Variants in SORCS3 observed in about 807,000 individuals in gnomAD.
The protein encoded by SORCS3 is sortilin related VPS10 domain containing receptor 3.
A neutral mutation model predicts 146.3 loss-of-function variants in SORCS3; 57 were observed. The observed-to-expected ratio is 0.39, with a 90% CI of 0.31 to 0.49. SORCS3 has a LOEUF of 0.49. Among genes scored for constraint, SORCS3 ranks in the 20% least tolerant of loss-of-function variants. The pLI, the probability that SORCS3 is intolerant of heterozygous loss-of-function variation, is 0.92. For missense variants in SORCS3, 1,341 were observed against 1,575.5 expected, an observed-to-expected ratio of 0.85 and a Z score of 2.52; for synonymous variants, 653 against 618.5, an observed-to-expected ratio of 1.06 and a Z score of -0.83.
chr10:105,011,316 A>T (rs1315645622), intron 4 of SORCS3, among the ~76,000 whole-genome samples: 5 of 152,120 alleles, frequency 3.3e-5, no homozygotes, highest in Admixed American at 3.3e-4. Flanking sequence ...TTCACCAAAG[A>T]TTCCTCATGC....
rs140500197 is a variant in SORCS3 at position 104,688,830 on chromosome 10, C to T, written c.627+46876C>T. ...TGCCAACTCCCAGGAACCTGCCCAACGTGGCCAGTTATTGGCAGCAAGTCC... is the reference window on the plus strand; with the variant it reads ...TGCCAACTCCCAGGAACCTGCCCAATGTGGCCAGTTATTGGCAGCAAGTCC... On this transcript the variant is annotated intron_variant, in intron 1 of 26. Coordinates refer to ENST00000369701, the MANE Select transcript of SORCS3 (RefSeq NM_014978.3). Among the ~76,000 whole-genome samples the T allele has an allele frequency of 5.3e-3, 808 of 152,326 alleles. 3 individuals carry two copies. Among genetic ancestry groups the T allele is most frequent in the Non-Finnish European group, 8.5e-3 (576 of 68,026 alleles).
intron 1 of SORCS3, among the ~76,000 whole-genome samples, chr10:104,649,924 G>C (rs1210206873): frequency 6.6e-6 from 1 of 152,220 alleles, no homozygotes; most frequent in African/African-American, 2.4e-5. Flanking sequence ...CTTGAGGGAA[G>C]TGAGTAAAGT....
chr10:105,004,845 G>A (rs2133675922), intron 4 of SORCS3, among the ~76,000 whole-genome samples: 1 of 152,020 alleles, frequency 6.6e-6, no homozygotes, highest in Non-Finnish European at 1.5e-5. Flanking sequence ...CATCGAGAAT[G>A]CAACGTTCAG....
chr10:105,102,533 G>A (rs1032297507), intron 6 of SORCS3, among the ~76,000 whole-genome samples: 1 of 152,136 alleles, frequency 6.6e-6, no homozygotes, highest in African/African-American at 2.4e-5. Context: ...TACTTTTGAG[G>A]GAAGAGGTTG....
At chr10:105,247,165 A>ACC (rs2056871317) in intron 21 of SORCS3, 54 bp from the exon 22 acceptor site, 1 of 989,750 alleles carries the variant, frequency 1.0e-6, no homozygotes, top group Non-Finnish European at 1.6e-6. Context: ...CACCTGTCAC[A>ACC]CCCTCTCTCT....
chr10:104,648,575 T>A (rs765771146), intron 1 of SORCS3, among the ~76,000 whole-genome samples: 2 of 152,114 alleles, frequency 1.3e-5, no homozygotes, highest in Non-Finnish European at 2.9e-5. Flanking sequence ...CTGCAGACAA[T>A]GAATAACAAG....
chr10:105,133,671 G>C (rs938313068), intron 7 of SORCS3, among the ~76,000 whole-genome samples: 2 of 152,152 alleles, frequency 1.3e-5, no homozygotes, highest in Admixed American at 6.5e-5. Context: ...ACTAGATGCA[G>C]TGGCTCATAT....
At chr10:104,974,735 A>G (rs564497220) in intron 3 of SORCS3, among the ~76,000 whole-genome samples, 4 of 152,294 alleles carry the variant, frequency 2.6e-5, no homozygotes, top group African/African-American at 7.2e-5. Flanking sequence ...TGATCCTGTC[A>G]TTATGATGTT....
intron 4 of SORCS3, among the ~76,000 whole-genome samples, chr10:105,031,398 A>G (rs1360577467): frequency 6.6e-6 from 1 of 152,066 alleles, no homozygotes; most frequent in Non-Finnish European, 1.5e-5. Context: ...ATGTTTAGGG[A>G]GCATCAGTAG....
intron 3 of SORCS3, among the ~76,000 whole-genome samples, chr10:104,926,340 C>T (rs1022864901): frequency 5.3e-5 from 8 of 152,102 alleles, no homozygotes; most frequent in Admixed American, 2.0e-4. Context: ...TCATTTTTTC[C>T]TGCTTCATAA....
intron 1 of SORCS3, among the ~76,000 whole-genome samples, chr10:104,703,384 G>T (rs1388798745): frequency 6.6e-6 from 1 of 152,140 alleles, no homozygotes; most frequent in Non-Finnish European, 1.5e-5. Context: ...AGCATCTATT[G>T]TTTCCTGAAT....
chr10:104,920,908 A>G (rs1228827229), intron 3 of SORCS3, among the ~76,000 whole-genome samples: 2 of 152,160 alleles, frequency 1.3e-5, no homozygotes, highest in Admixed American at 1.3e-4. Context: ...AATTTTGTAT[A>G]CCCGGTTGTT....
At chr10:104,894,786 AG>A (rs2018782793) in intron 2 of SORCS3, among the ~76,000 whole-genome samples, 2 of 152,120 alleles carry the variant, frequency 1.3e-5, no homozygotes, top group African/African-American at 4.8e-5. Flanking sequence ...AAGGAGAAGG[AG>A]GGAGGAAGTG....
intron 4 of SORCS3, among the ~76,000 whole-genome samples, chr10:105,028,661 A>G (rs2055245656): frequency 6.6e-6 from 1 of 152,190 alleles, no homozygotes. Context: ...TTTTTGTACC[A>G]TAAAATGAGG....
Position 105,256,828 on chromosome 10 carries a change from T to C in SORCS3, c.3347T>C (p.Val1116Ala), listed in dbSNP as rs1244198284. The part of the protein sequence containing the change: ...YVTQLTLAPL[V>A]DSSAGHSSSA... ...TGTTCTTCTTTCCAAGCTCCATTGG[T>C]GGACTCCAGTGCTGGGCACAGCAGC... The change falls in exon 25 of 27, where the codon GTG becomes GCG. Residue 1116 changes from valine (V) to alanine (A), a missense_variant. Transcript: ENST00000369701. 1.9e-6 allele frequency: 3 copies of C among 1,613,670 alleles called. No homozygotes were observed. The highest frequency in any genetic ancestry group is 2.5e-6 in the Non-Finnish European group (3 of 1,179,648).
chr10:104,936,083 C>CA (rs1039961664), intron 3 of SORCS3, among the ~76,000 whole-genome samples: 1 of 143,880 alleles, frequency 7.0e-6, no homozygotes, highest in Non-Finnish European at 1.5e-5. Context: ...TTTGCAAAAG[C>CA]AAAAAATATT....
At chr10:104,988,850 C>G (rs2054977053) in intron 4 of SORCS3, among the ~76,000 whole-genome samples, 1 of 152,162 alleles carries the variant, frequency 6.6e-6, no homozygotes, top group Non-Finnish European at 1.5e-5. Context: ...GAAAATCAGA[C>G]CCCCGTGTTA....
chr10:105,115,143 G>A (rs2055884570), intron 7 of SORCS3, among the ~76,000 whole-genome samples: 1 of 152,142 alleles, frequency 6.6e-6, no homozygotes, highest in African/African-American at 2.4e-5. Context: ...TGACTTTAAA[G>A]ACCTGGGTTG....
chr10:104,956,997 C>T (rs531284528), intron 3 of SORCS3, among the ~76,000 whole-genome samples: 1 of 152,210 alleles, frequency 6.6e-6, no homozygotes, highest in Non-Finnish European at 1.5e-5. Context: ...TTTGGCTCTG[C>T]TAAGAGAATA....
Sources: gnomAD v4.1 joint callset for allele counts (sites outside exome capture counted in the v4.1 genomes callset) on GRCh38, gnomAD v4.1.1 for gene constraint, MANE v1.5 for transcripts, NCBI Gene and HGNC (gene_info 2026-07-23, HGNC 2026-07-21) for gene names.